OLFM3: variants seen among roughly 807,000 people sequenced by gnomAD.
OLFM3 encodes noelin-3.
OLFM3 carries 20 observed loss-of-function variants against 48.6 expected under a neutral mutation model. That is an observed-to-expected ratio of 0.41 (90% CI 0.29 to 0.60). The LOEUF (loss-of-function observed/expected upper bound fraction) is 0.60, where lower values mean the gene tolerates loss of function less well. OLFM3 is among the 20% of genes least tolerant of loss of function. The pLI is 0.28. For synonymous variants in OLFM3, 222 were observed against 198.1 expected, an observed-to-expected ratio of 1.12 and a Z score of -1.01; for missense variants, 437 against 544.3, an observed-to-expected ratio of 0.80 and a Z score of 1.96.
chr1:101,987,107 T>C (rs1468563738), intron 1 of OLFM3, among the ~76,000 whole-genome samples: 1 of 152,148 alleles, frequency 6.6e-6, no homozygotes, highest in Non-Finnish European at 1.5e-5. Flanking sequence ...AGATATGGAG[T>C]CTTACCTTGA....
chr1:101,979,898 G>A (rs1249884463), intron 1 of OLFM3, among the ~76,000 whole-genome samples: 1 of 152,238 alleles, frequency 6.6e-6, no homozygotes, highest in African/African-American at 2.4e-5. Flanking sequence ...ACCCTGCAAA[G>A]CCACAGGGGT....
intron 1 of OLFM3, among the ~76,000 whole-genome samples, chr1:101,858,435 A>G (rs537405947): frequency 1.3e-5 from 2 of 152,172 alleles, no homozygotes; most frequent in African/African-American, 2.4e-5. Flanking sequence ...TGGGATACTG[A>G]CAGGAACAAG....
At chr1:101,941,930 C>T (rs1659808500) in intron 1 of OLFM3, among the ~76,000 whole-genome samples, 2 of 152,156 alleles carry the variant, frequency 1.3e-5, no homozygotes, top group South Asian at 4.1e-4. Flanking sequence ...AATCTACAAA[C>T]CTCATTTATT....
intron 1 of OLFM3, among the ~76,000 whole-genome samples, chr1:101,932,548 G>A (rs1245245982): frequency 6.6e-6 from 1 of 152,156 alleles, no homozygotes; most frequent in Admixed American, 6.5e-5. Flanking sequence ...ACTGTGGGAA[G>A]AGAAACAAAC....
intron 1 of OLFM3, among the ~76,000 whole-genome samples, chr1:101,866,308 A>G (rs1656852864): frequency 6.6e-6 from 1 of 152,174 alleles, no homozygotes; most frequent in African/African-American, 2.4e-5. Context: ...TTGGTATTAA[A>G]TCAAATAAAA....
intron 3 of OLFM3, 142 bp downstream of exon 3, chr1:101,830,530 G>T: frequency 2.4e-6 from 2 of 836,746 alleles, no homozygotes; most frequent in South Asian, 3.1e-5. Context: ...AGTTTCAGTG[G>T]AGAGATGACT....
At chr1:101,984,587 A>T (rs969306306) in intron 1 of OLFM3, among the ~76,000 whole-genome samples, 43 of 152,074 alleles carry the variant, frequency 2.8e-4, no homozygotes, top group African/African-American at 1.0e-3. Context: ...TTTAGTAGAG[A>T]CGGGGTTTCA....
At chr1:101,844,628 C>T (rs1006567484) in intron 1 of OLFM3, among the ~76,000 whole-genome samples, 2 of 152,004 alleles carry the variant, frequency 1.3e-5, no homozygotes, top group African/African-American at 2.4e-5. Context: ...TCTTGAGAGC[C>T]CTAAGATTTC....
intron 1 of OLFM3, among the ~76,000 whole-genome samples, chr1:101,978,255 CAA>C (rs1661008219): frequency 6.6e-6 from 1 of 151,872 alleles, no homozygotes; most frequent in Admixed American, 6.6e-5. Context: ...CAATTTCAAA[CAA>C]GAAGTTATTT....
intron 1 of OLFM3, among the ~76,000 whole-genome samples, chr1:101,951,325 G>A (rs967124180): frequency 6.6e-6 from 1 of 152,118 alleles, no homozygotes; most frequent in Non-Finnish European, 1.5e-5. Context: ...GGTATACAAA[G>A]GAAAATCAAA....
At chr1:101,898,103 T>G (rs1305331270) in intron 1 of OLFM3, among the ~76,000 whole-genome samples, 1 of 152,130 alleles carries the variant, frequency 6.6e-6, no homozygotes, top group Non-Finnish European at 1.5e-5. Flanking sequence ...TTCCTTAATA[T>G]TTACCTACAA....
In OLFM3 at chr1:101,860,508, C is replaced by T. The variant is rs1487116532; in HGVS notation, c.70-23483G>A. On this transcript the variant is annotated intron_variant, in intron 1 of 5. Transcript: ENST00000370103. ...GAATTCCATAATTTTTTCAGACCCT[C>T]TTTTATTCTTTTGATATCCATATCA... Among the ~76,000 whole-genome samples, 4 of 151,960 alleles carry T rather than the reference C, an allele frequency of 2.6e-5. No individual in the cohort carries two copies. The South Asian group carries it at 6.2e-4, about 24-fold the overall frequency.
At chr1:101,839,681 C>G (rs943239428) in intron 1 of OLFM3, among the ~76,000 whole-genome samples, 2 of 152,300 alleles carry the variant, frequency 1.3e-5, no homozygotes, top group South Asian at 2.1e-4. Flanking sequence ...GTTTGGCTAA[C>G]TAGTGTGGAG....
At chr1:101,827,648 A>G (rs962538537) in intron 3 of OLFM3, among the ~76,000 whole-genome samples, 1 of 152,196 alleles carries the variant, frequency 6.6e-6, no homozygotes, top group African/African-American at 2.4e-5. Context: ...AATAAACTCC[A>G]CAAATATATG....
At chr1:101,869,280 A>C (rs1251799518) in intron 1 of OLFM3, among the ~76,000 whole-genome samples, 1 of 152,180 alleles carries the variant, frequency 6.6e-6, no homozygotes, top group Non-Finnish European at 1.5e-5. Context: ...AGAGCTACCC[A>C]AGGCTCTGGG....
Position 101,804,804 on chromosome 1 carries a change from C to A in OLFM3, c.811G>T (p.Ala271Ser). ...SRTYNLPFKW[A>S]GTNHVVYNGS... The stretch of plus-strand genomic sequence containing the variant: ...TTGTAGACAACATGGTTAGTTCCTG[C>A]CCACTTGAAAGGAAGGTTGTATGTC... The change falls in exon 6 of 6, where the codon GCA (alanine) becomes TCA (serine). Residue 271 changes from alanine to serine, a missense_variant. By Grantham distance (99) the Ala-to-Ser change is moderately conservative. This residue lies in a region of OLFM3 where 314 missense variants were observed against 365.5 expected (regional missense o/e 0.86). Transcript: ENST00000370103. This position sits in a 1 kb window ranked among gnomAD's most constrained non-coding sequence, Gnocchi z 4.5. 3 of 1,612,552 alleles carry A rather than the reference C, an allele frequency of 1.9e-6. No homozygotes were observed. Among genetic ancestry groups the A allele is most frequent in the Non-Finnish European group, 2.5e-6 (3 of 1,179,056 alleles).
intron 1 of OLFM3, among the ~76,000 whole-genome samples, chr1:101,913,935 A>AT (rs1421663095): frequency 6.6e-6 from 1 of 152,178 alleles, no homozygotes; most frequent in African/African-American, 2.4e-5. Context: ...CAGAGAACCC[A>AT]TTGTAAAACT....
chr1:101,869,466 A>G (rs978317088), intron 1 of OLFM3, among the ~76,000 whole-genome samples: 1 of 152,030 alleles, frequency 6.6e-6, no homozygotes, highest in Non-Finnish European at 1.5e-5. Flanking sequence ...TATGCTTTTG[A>G]TTTTACAGGC....
At chr1:101,994,013 A>C (rs1210938714) in intron 1 of OLFM3, among the ~76,000 whole-genome samples, 1 of 151,512 alleles carries the variant, frequency 6.6e-6, no homozygotes. Flanking sequence ...GTCTTCCATG[A>C]AATAGAATTG....
Sources: gnomAD v4.1 joint callset for allele counts (sites outside exome capture counted in the v4.1 genomes callset) on GRCh38, gnomAD v4.1.1 for gene constraint, gnomAD v4.1.1 regional missense constraint, Gnocchi (gnomAD v3.1) non-coding constraint, MANE v1.5 for transcripts, NCBI Gene and HGNC (gene_info 2026-07-23, HGNC 2026-07-21) for gene names.